The following ADAMTSL1 variants were observed in gnomAD, a reference collection of about 807,000 sequenced individuals.
ADAMTSL1 encodes the protein ADAMTS-like protein 1.
Under a neutral mutation model 201.8 loss-of-function variants are expected in ADAMTSL1, and 126 were observed. That is an observed-to-expected ratio of 0.62 (90% CI 0.54 to 0.72). The LOEUF (loss-of-function observed/expected upper bound fraction) is 0.72. Among genes scored for constraint, ADAMTSL1 ranks in the 30% least tolerant of loss-of-function variants. The pLI, the probability that ADAMTSL1 is intolerant of heterozygous loss-of-function variation, is 0.00. For missense variants in ADAMTSL1, 2,679 were observed against 2,277.8 expected, an observed-to-expected ratio of 1.18 and a Z score of -3.59; for synonymous variants, 1,121 against 903.4, an observed-to-expected ratio of 1.24 and a Z score of -4.32.
At chr9:17,973,451 G>A (rs1818300949) in intron 1 of ADAMTSL1, among the ~76,000 whole-genome samples, 1 of 131,624 alleles carries the variant, frequency 7.6e-6, no homozygotes, top group African/African-American at 2.6e-5. Context: ...TTTTTGTCAG[G>A]TTTGTCAAAG....
chr9:18,163,024 T>C (rs939472993), intron 1 of ADAMTSL1, among the ~76,000 whole-genome samples: 6 of 152,026 alleles, frequency 3.9e-5, no homozygotes, highest in Non-Finnish European at 8.8e-5. Context: ...AACTGAGGCA[T>C]AGAGAGGCAG....
chr9:18,080,219 G>T (rs1460820023), intron 1 of ADAMTSL1, among the ~76,000 whole-genome samples: 1 of 152,180 alleles, frequency 6.6e-6, no homozygotes, highest in East Asian at 1.9e-4. Flanking sequence ...AGTGAACAAA[G>T]AGTAGTGATC....
chr9:18,447,885 C>T (rs751444284), intron 2 of ADAMTSL1, among the ~76,000 whole-genome samples: 3 of 152,162 alleles, frequency 2.0e-5, no homozygotes, highest in African/African-American at 4.8e-5. Flanking sequence ...TTGCAGGTGT[C>T]GAGCACACAT....
intron 15 of ADAMTSL1, among the ~76,000 whole-genome samples, chr9:18,730,755 C>T (rs1312956497): frequency 6.6e-6 from 1 of 152,176 alleles, no homozygotes; most frequent in African/African-American, 2.4e-5. Flanking sequence ...GAGTTACTGT[C>T]CTTGAGGCCT....
intron 16 of ADAMTSL1, among the ~76,000 whole-genome samples, chr9:18,755,076 T>C (rs1009972480): frequency 7.9e-5 from 12 of 152,214 alleles, no homozygotes; most frequent in Admixed American, 2.0e-4. Context: ...ACCAAACCTA[T>C]TGTGTATGGC....
At chr9:18,384,954 A>G (rs1486281771) in intron 2 of ADAMTSL1, among the ~76,000 whole-genome samples, 1 of 152,112 alleles carries the variant, frequency 6.6e-6, no homozygotes, top group East Asian at 1.9e-4. Flanking sequence ...TTCTAAATCT[A>G]CACTTTGGGA....
intron 1 of ADAMTSL1, among the ~76,000 whole-genome samples, chr9:18,035,087 AAG>A (rs1821134472): frequency 6.6e-6 from 1 of 152,226 alleles, no homozygotes; most frequent in Non-Finnish European, 1.5e-5. Flanking sequence ...CTAATTTAAA[AAG>A]ATATTTTAAT....
chr9:18,469,931 C>T (rs959102362), upstream of ADAMTSL1, among the ~76,000 whole-genome samples: 1 of 152,198 alleles, frequency 6.6e-6, no homozygotes. Flanking sequence ...ACTGCTAACC[C>T]ATCATTAAAA....
chr9:17,927,761 C>T (rs772412521), intron 1 of ADAMTSL1, among the ~76,000 whole-genome samples: 3 of 151,954 alleles, frequency 2.0e-5, no homozygotes, highest in Admixed American at 1.3e-4. Flanking sequence ...GCCAATATTA[C>T]ACAATATAAG....
intron 2 of ADAMTSL1, among the ~76,000 whole-genome samples, chr9:18,525,213 TC>T (rs1818960354): frequency 6.6e-6 from 1 of 152,246 alleles, no homozygotes. Flanking sequence ...TTCTAGATTT[TC>T]TACTTTATTT....
intron 1 of ADAMTSL1, among the ~76,000 whole-genome samples, chr9:18,098,891 T>G (rs1307160842): frequency 6.6e-6 from 1 of 152,194 alleles, no homozygotes; most frequent in East Asian, 1.9e-4. Context: ...GAAATGTCCT[T>G]AAACAAAGAT....
At chr9:18,606,972 G>A (rs564324710) in intron 4 of ADAMTSL1, among the ~76,000 whole-genome samples, 2 of 152,250 alleles carry the variant, frequency 1.3e-5, no homozygotes, top group African/African-American at 4.8e-5. Flanking sequence ...GCTTCCAGCT[G>A]TGAAGACCAG....
At chr9:18,650,118 G>T (rs1344186467) in intron 7 of ADAMTSL1, among the ~76,000 whole-genome samples, 1 of 152,162 alleles carries the variant, frequency 6.6e-6, no homozygotes, top group Non-Finnish European at 1.5e-5. Flanking sequence ...CCCAAGCCTC[G>T]CTGCCGCCTT....
intron 2 of ADAMTSL1, among the ~76,000 whole-genome samples, chr9:18,170,575 C>T (rs116115926): frequency 0.011 from 1,661 of 152,006 alleles, 39 homozygotes; most frequent in African/African-American, 0.039. Context: ...CTTGTGTACA[C>T]GTGAAGCCTA....
chr9:18,568,180 A>G (rs1822060720), intron 3 of ADAMTSL1, among the ~76,000 whole-genome samples: 1 of 152,228 alleles, frequency 6.6e-6, no homozygotes, highest in African/African-American at 2.4e-5. Flanking sequence ...CTGAGTTGCA[A>G]ATAGAAATTG....
chr9:18,541,190 C>T (rs955844155), intron 3 of ADAMTSL1, among the ~76,000 whole-genome samples: 2 of 152,146 alleles, frequency 1.3e-5, no homozygotes, highest in Admixed American at 6.5e-5. Context: ...ATGCATTCTG[C>T]ATTTGGACAG....
In ADAMTSL1 at chr9:18,301,790, G is replaced by A. The variant is rs540585847; in HGVS notation, c.207+137809G>A. Among the ~76,000 whole-genome samples, 128 of 152,350 alleles carry A rather than the reference G, an allele frequency of 8.4e-4. 1 individual carries two copies. Among genetic ancestry groups the A allele is most frequent in the Middle Eastern group, 3.4e-3 (1 of 294 alleles). On this transcript the variant is annotated intron_variant, in intron 2 of 29. Coordinates refer to the ADAMTSL1 transcript ENST00000680146. ...TGTACTAACCTTATGGGGCAAGGTAGTGACAATGACGGAAAGCTATGTGCC... is the reference window on the plus strand; with the variant it reads ...TGTACTAACCTTATGGGGCAAGGTAATGACAATGACGGAAAGCTATGTGCC...
At chr9:18,439,326 G>A (rs1489311441) in intron 2 of ADAMTSL1, among the ~76,000 whole-genome samples, 2 of 152,162 alleles carry the variant, frequency 1.3e-5, no homozygotes, top group Non-Finnish European at 2.9e-5. Flanking sequence ...CCAGTTTGGG[G>A]GAATATATGG....
chr9:18,687,996 A>C (rs1001029664), intron 13 of ADAMTSL1, among the ~76,000 whole-genome samples: 3 of 152,080 alleles, frequency 2.0e-5, no homozygotes, highest in Non-Finnish European at 4.4e-5. Context: ...TGAATCTTCA[A>C]CTCAAAAATA....
Sources: gnomAD v4.1 joint callset for allele counts (sites outside exome capture counted in the v4.1 genomes callset) on GRCh38, gnomAD v4.1.1 for gene constraint, MANE v1.5 for transcripts, NCBI Gene and HGNC (gene_info 2026-07-23, HGNC 2026-07-21) for gene names.